Variants in ALDH2 observed in about 807,000 individuals in gnomAD.
ALDH2 encodes the protein aldehyde dehydrogenase 2 family member, also known as aldehyde dehydrogenase, mitochondrial.
Under a neutral mutation model 59.6 loss-of-function variants are expected in ALDH2, and 44 were observed. That is an observed-to-expected ratio of 0.74 (90% CI 0.58 to 0.95). The LOEUF (loss-of-function observed/expected upper bound fraction) is 0.95. ALDH2 is among the 40% of genes least tolerant of loss of function. The pLI, the probability that ALDH2 is intolerant of heterozygous loss-of-function variation, is 0.00. For synonymous variants in ALDH2, 291 were observed against 284.0 expected (o/e 1.02, Z -0.25); for missense variants, 570 against 696.3 (o/e 0.82, Z 2.04).
At chr12:111,773,162 A>C (rs989794585) in intron 1 of ALDH2, among the ~76,000 whole-genome samples, 1 of 152,016 alleles carries the variant, frequency 6.6e-6, no homozygotes, top group African/African-American at 2.4e-5. Flanking sequence ...AGACAGGAGA[A>C]ACGCTTGAAC....
At chr12:111,800,155 G>A (rs2068439489) in intron 11 of ALDH2, 92 bp downstream of exon 11, 1 of 1,434,522 alleles carries the variant, frequency 7.0e-7, no homozygotes, top group Non-Finnish European at 9.3e-7. Context: ...CTGGAATTTG[G>A]GGAGCTGGGC....
At chr12:111,787,552 A>T (rs1166781808) in intron 4 of ALDH2, among the ~76,000 whole-genome samples, 1 of 152,286 alleles carries the variant, frequency 6.6e-6, no homozygotes, top group East Asian at 1.9e-4. Context: ...TATGACATGT[A>T]AACAGAGGTG....
In ALDH2 at chr12:111,779,775, C is replaced by T. The variant is rs930561213; in HGVS notation, c.115-2143C>T. 2.6e-5 allele frequency among the ~76,000 whole-genome samples: 4 copies of T among 152,354 alleles called. No individual in the cohort carries two copies. The East Asian group carries it at 7.7e-4, about 29-fold the overall frequency. On this transcript the variant is annotated intron_variant, in intron 1 of 12. Coordinates refer to ENST00000261733, the MANE Select transcript of ALDH2 (RefSeq NM_000690.4). ...GAGGTGACCATGGACCCTGCCAGGA[C>T]ACTGGTTTACCAAGCCCGAAGGGAA...
At chr12:111,787,817 G>A (rs190672480) in intron 4 of ALDH2, among the ~76,000 whole-genome samples, 1 of 152,122 alleles carries the variant, frequency 6.6e-6, no homozygotes, top group East Asian at 1.9e-4. Context: ...GGATCACGAG[G>A]TCAGGAAATC....
intron 4 of ALDH2, among the ~76,000 whole-genome samples, chr12:111,789,164 C>A (rs2068335962): frequency 6.7e-6 from 1 of 149,614 alleles, no homozygotes; most frequent in South Asian, 2.1e-4. Flanking sequence ...ATTACAGGCA[C>A]CCGCCACCAC....
rs146323899 is a variant in ALDH2 at position 111,799,849 on chromosome 12, C to T, written c.1249-57C>T. 4.8e-4 allele frequency: 755 copies of T among 1,567,678 alleles called. 2 individuals are homozygous for T. The African/African-American group carries it at 8.0e-3, about 17-fold the overall frequency. ...AATCATCTGTTCTGCTCTGAGAGAG[C>T]TCGATGGCAGGTGCCTCCGTGTTGC... On this transcript the variant is annotated intron_variant, in intron 10 of 12. Transcript: ENST00000261733.
chr12:111,797,264 G>A (rs868104534), intron 9 of ALDH2, among the ~76,000 whole-genome samples: 1 of 152,026 alleles, frequency 6.6e-6, no homozygotes, highest in Non-Finnish European at 1.5e-5. Context: ...GAGTATCTTG[G>A]GCCATCTTTC....
chr12:111,795,952 T>A (rs2068399735), intron 9 of ALDH2, among the ~76,000 whole-genome samples: 1 of 152,104 alleles, frequency 6.6e-6, no homozygotes, highest in African/African-American at 2.4e-5. Context: ...TAAACTTGCA[T>A]TAATAAATTT....
At chr12:111,809,229 G>A (rs999929166) in intron 12 of ALDH2, among the ~76,000 whole-genome samples, 15 of 152,136 alleles carry the variant, frequency 9.9e-5, no homozygotes, top group African/African-American at 2.9e-4. Flanking sequence ...CCAGACAGGC[G>A]GAACGCTTGA....
chr12:111,774,091 C>T (rs912581398), intron 1 of ALDH2, among the ~76,000 whole-genome samples: 1 of 152,150 alleles, frequency 6.6e-6, no homozygotes, highest in African/African-American at 2.4e-5. Context: ...AAGTTGAAAC[C>T]GCGCCTGTCT....
intron 11 of ALDH2, among the ~76,000 whole-genome samples, chr12:111,802,772 C>A (rs1172421315): frequency 1.4e-5 from 2 of 147,240 alleles, no homozygotes; most frequent in Non-Finnish European, 3.0e-5. Context: ...CCCAGCTACT[C>A]GGGAGGCTGA....
At chr12:111,809,475 C>T (rs1394446518) in intron 12 of ALDH2, 68 bp from the exon 13 acceptor site, 25 of 1,569,122 alleles carry the variant, frequency 1.6e-5, no homozygotes, top group Non-Finnish European at 2.1e-5. Context: ...TAGTCAGCTC[C>T]TAGCTGAGGG....
chr12:111,793,985 C>T (rs1407552037), intron 9 of ALDH2, among the ~76,000 whole-genome samples: 13 of 150,962 alleles, frequency 8.6e-5, no homozygotes, highest in Non-Finnish European at 1.9e-4. Flanking sequence ...CCCTCTTTTC[C>T]TCCCCTGAGC....
intron 11 of ALDH2, among the ~76,000 whole-genome samples, chr12:111,801,155 G>A (rs1213876076): frequency 6.6e-6 from 1 of 152,212 alleles, no homozygotes; most frequent in African/African-American, 2.4e-5. Flanking sequence ...CTCACGTGGT[G>A]GCAGACAAGA....
chr12:111,788,149 G>C (rs1246287233), intron 4 of ALDH2, among the ~76,000 whole-genome samples: 2 of 152,184 alleles, frequency 1.3e-5, no homozygotes, highest in Non-Finnish European at 2.9e-5. Context: ...GGCGGAGGTT[G>C]CAGTGAGCTG....
chr12:111,785,016 G>C (rs1397808645), intron 3 of ALDH2, among the ~76,000 whole-genome samples: 1 of 152,210 alleles, frequency 6.6e-6, no homozygotes, highest in African/African-American at 2.4e-5. Flanking sequence ...GAAGCTAAAA[G>C]AGTGTGTTTA....
chr12:111,809,413 C>A, intron 12 of ALDH2, 130 bp from the exon 13 acceptor site: 1 of 946,938 alleles, frequency 1.1e-6, no homozygotes, highest in East Asian at 2.5e-5. Flanking sequence ...GTAATTGCAC[C>A]CCTGTACTCC....
At chr12:111,799,127 T>C (rs959188722) in intron 10 of ALDH2, among the ~76,000 whole-genome samples, 17 of 151,892 alleles carry the variant, frequency 1.1e-4, no homozygotes, top group African/African-American at 4.1e-4. Context: ...CCTCCCAAAG[T>C]GCTGGGATTA....
chr12:111,774,223 T>C (rs1422406477), intron 1 of ALDH2, among the ~76,000 whole-genome samples: 1 of 151,932 alleles, frequency 6.6e-6, no homozygotes, highest in Non-Finnish European at 1.5e-5. Flanking sequence ...GGTTCGGGAG[T>C]GTCCCGAGCA....
Sources: gnomAD v4.1 joint callset for allele counts (sites outside exome capture counted in the v4.1 genomes callset) on GRCh38, gnomAD v4.1.1 for gene constraint, MANE v1.5 for transcripts, NCBI Gene and HGNC (gene_info 2026-07-23, HGNC 2026-07-21) for gene names.